PRKG1: variants seen among roughly 807,000 people sequenced by gnomAD.
PRKG1 encodes protein kinase cGMP-dependent 1, also known as cGMP-dependent protein kinase 1.
Under a neutral mutation model 88.1 loss-of-function variants are expected in PRKG1, and 35 were observed. That is an observed-to-expected ratio of 0.40 (90% CI 0.30 to 0.53). The LOEUF is 0.53. PRKG1 is among the 20% of genes least tolerant of loss of function. The probability of loss-of-function intolerance (pLI) is 0.59; values close to 1 mark genes in which losing one functional copy is unlikely to be tolerated. For synonymous variants in PRKG1, 303 were observed against 292.5 expected (o/e 1.04, Z -0.37); for missense variants, 540 against 839.8 (o/e 0.64, Z 4.41).
intron 2 of PRKG1, among the ~76,000 whole-genome samples, chr10:51,356,347 A>C (rs1004658562): frequency 6.6e-6 from 1 of 151,942 alleles, no homozygotes; most frequent in African/African-American, 2.4e-5. Flanking sequence ...TCAGGGAGAA[A>C]AATCTATGAG....
intron 3 of PRKG1, among the ~76,000 whole-genome samples, chr10:51,788,084 C>T (rs10999466): frequency 0.019 from 2,919 of 152,208 alleles, 166 homozygotes; most frequent in Admixed American, 0.12. Flanking sequence ...ATGCTCAATG[C>T]ATGAAAAAGG....
chr10:51,252,162 C>CAAAACA lies in PRKG1; in HGVS notation c.478+98849_478+98854dup, dbSNP rs1380494317. Among the ~76,000 whole-genome samples, 12 of 151,560 alleles carry CAAAACA rather than the reference C, an allele frequency of 7.9e-5. No individual in the cohort carries two copies. The East Asian group carries it at 1.9e-3, about 24-fold the overall frequency. ...CAATGAGCCGCACAGATGACAGAAG[C>CAAAACA]AAAACAAAAACAAAAACAAAAAACA... is the stretch of plus-strand genomic sequence containing the variant. On this transcript the variant is annotated intron_variant, in intron 2 of 17. Transcript: ENST00000373980.
intron 2 of PRKG1, among the ~76,000 whole-genome samples, chr10:51,165,520 G>A (rs924122324): frequency 6.6e-6 from 1 of 152,122 alleles, no homozygotes; most frequent in Non-Finnish European, 1.5e-5. Context: ...ACATCATAAT[G>A]ACAGGATCAA....
intron 3 of PRKG1, among the ~76,000 whole-genome samples, chr10:51,586,667 T>G (rs1838182027): frequency 6.6e-6 from 1 of 152,170 alleles, no homozygotes; most frequent in African/African-American, 2.4e-5. Context: ...GTTTAAAAAT[T>G]TCTGAGCACA....
At chr10:51,206,366 G>A (rs1203586125) in intron 2 of PRKG1, among the ~76,000 whole-genome samples, 3 of 151,744 alleles carry the variant, frequency 2.0e-5, no homozygotes, top group Non-Finnish European at 4.4e-5. Context: ...GGGGGTGGGC[G>A]CCTGTAATCC....
At chr10:51,751,440 C>T (rs995935439) in intron 3 of PRKG1, among the ~76,000 whole-genome samples, 21 of 152,078 alleles carry the variant, frequency 1.4e-4, no homozygotes, top group African/African-American at 4.8e-4. Context: ...GTTGGCCAGG[C>T]AGGTCTTGAA....
intron 2 of PRKG1, among the ~76,000 whole-genome samples, chr10:51,461,955 C>T (rs1449602484): frequency 1.3e-5 from 2 of 152,158 alleles, no homozygotes; most frequent in Admixed American, 1.3e-4. Flanking sequence ...TATGCCTAAT[C>T]TATTAAGAAA....
At chr10:52,119,488 G>A (rs559757970) in intron 7 of PRKG1, among the ~76,000 whole-genome samples, 2 of 152,286 alleles carry the variant, frequency 1.3e-5, no homozygotes, top group East Asian at 1.9e-4. Context: ...ATGTGACCAT[G>A]CAACTTAACA....
At chr10:51,075,756 C>T (rs1018031927) in intron 1 of PRKG1, among the ~76,000 whole-genome samples, 1 of 152,128 alleles carries the variant, frequency 6.6e-6, no homozygotes, top group African/African-American at 2.4e-5. Context: ...TTTTAGGGAA[C>T]TGTGCAATTC....
chr10:51,256,048 T>G (rs1839549820), intron 2 of PRKG1, among the ~76,000 whole-genome samples: 1 of 152,158 alleles, frequency 6.6e-6, no homozygotes, highest in African/African-American at 2.4e-5. Context: ...TGCTTTTTTA[T>G]TAAATGTCAT....
chr10:51,057,474 T>TAAGTATA (rs1259780511), intron 1 of PRKG1, among the ~76,000 whole-genome samples: 4 of 152,180 alleles, frequency 2.6e-5, no homozygotes, highest in Non-Finnish European at 5.9e-5. Flanking sequence ...TTCAATGAGT[T>TAAGTATA]ATCCTTACAG....
chr10:52,040,681 C>T (rs77004319), intron 5 of PRKG1, among the ~76,000 whole-genome samples: 3,634 of 152,144 alleles, frequency 0.024, 132 homozygotes, highest in African/African-American at 0.081. Context: ...CTTTCACTTG[C>T]TAATTGCTCT....
chr10:52,010,682 C>T (rs548608671), intron 5 of PRKG1, among the ~76,000 whole-genome samples: 40 of 152,162 alleles, frequency 2.6e-4, no homozygotes, highest in East Asian at 3.9e-4. Flanking sequence ...CCAGATAAAC[C>T]GACGGCCTTC....
At chr10:51,406,301 G>T (rs1837911702) in intron 2 of PRKG1, among the ~76,000 whole-genome samples, 1 of 152,172 alleles carries the variant, frequency 6.6e-6, no homozygotes, top group African/African-American at 2.4e-5. Flanking sequence ...CCTGGCTCAG[G>T]TGCAGAGGAA....
chr10:51,918,865 G>A (rs984710082), intron 5 of PRKG1, among the ~76,000 whole-genome samples: 6 of 151,888 alleles, frequency 4.0e-5, no homozygotes, highest in Non-Finnish European at 8.8e-5. Context: ...TTCTTAATCC[G>A]AGACATATTT....
At chr10:51,458,951 G>A (rs1167180597) in intron 2 of PRKG1, among the ~76,000 whole-genome samples, 1 of 152,038 alleles carries the variant, frequency 6.6e-6, no homozygotes, top group Non-Finnish European at 1.5e-5. Flanking sequence ...CAGGTATATT[G>A]AAGAATGACT....
chr10:51,755,010 A>C (rs1272225700), intron 3 of PRKG1, among the ~76,000 whole-genome samples: 1 of 108,414 alleles, frequency 9.2e-6, no homozygotes, highest in African/African-American at 3.7e-5. Flanking sequence ...GAACTCAATT[A>C]CAAAAAAAAA....
At chr10:51,651,716 T>G (rs1462923385) in intron 3 of PRKG1, among the ~76,000 whole-genome samples, 1 of 152,042 alleles carries the variant, frequency 6.6e-6, no homozygotes, top group Non-Finnish European at 1.5e-5. Context: ...CCCGAGTAGC[T>G]GGGACTACAG....
intron 2 of PRKG1, among the ~76,000 whole-genome samples, chr10:51,438,271 C>A (rs1436361945): frequency 6.6e-6 from 1 of 151,818 alleles, no homozygotes; most frequent in Non-Finnish European, 1.5e-5. Flanking sequence ...AAATACCTTA[C>A]ATTATGGTAA....
Sources: allele counts gnomAD v4.1 joint callset (sites outside exome capture counted in the v4.1 genomes callset), GRCh38; gene constraint gnomAD v4.1.1; transcripts MANE v1.5; gene names NCBI Gene and HGNC (gene_info 2026-07-23, HGNC 2026-07-21).